Variants in NPRL3 observed in about 807,000 individuals in gnomAD.
NPRL3 encodes the protein NPR3 like, GATOR1 complex subunit.
A neutral mutation model predicts 57.2 loss-of-function variants in NPRL3; 23 were observed. The ratio of observed to expected loss-of-function variants is 0.40; its 90% CI spans 0.29 to 0.57. NPRL3 has a LOEUF of 0.57. Ranked by LOEUF, NPRL3 falls within the 20% of genes least tolerant of loss-of-function variation. The probability of loss-of-function intolerance (pLI) is 0.42; values close to 1 mark genes in which losing one functional copy is unlikely to be tolerated. For synonymous variants in NPRL3, 333 were observed against 321.1 expected (o/e 1.04, Z -0.39); for missense variants, 691 against 767.1 (o/e 0.90, Z 1.17).
chr16:132,668 C>CTTTTTTT (rs869062857), intron 2 of NPRL3, among the ~76,000 whole-genome samples: 1 of 120,288 alleles, frequency 8.3e-6, no homozygotes. Context: ...AATTGTATTT[C>CTTTTTTT]TTTTTTTTTT....
chr16:100,994 A>AAAAAAAAAG (rs1899276041), intron 7 of NPRL3, among the ~76,000 whole-genome samples: 4 of 145,800 alleles, frequency 2.7e-5, no homozygotes, highest in African/African-American at 7.6e-5. Flanking sequence ...AAAAAAAGGA[A>AAAAAAAAAG]GAAGAAGAAG....
chr16:114,108 C>T (rs887390032), intron 5 of NPRL3, among the ~76,000 whole-genome samples: 11 of 152,160 alleles, frequency 7.2e-5, no homozygotes, highest in South Asian at 4.1e-4. Flanking sequence ...AATACTTCCA[C>T]GAGCAAAGCA....
intron 9 of NPRL3, among the ~76,000 whole-genome samples, chr16:93,954 C>G (rs553857532): frequency 1.4e-4 from 21 of 152,194 alleles, no homozygotes; most frequent in Admixed American, 1.1e-3. Flanking sequence ...ATGGTGGTCT[C>G]AGGCCACAAG....
At position 134,985 on chromosome 16, in the gene NPRL3, G is replaced by C. The variant is rs1028542482; in HGVS notation, c.118+3165C>G. On this transcript the variant is annotated intron_variant, in intron 2 of 13. Transcript: ENST00000611875. ...CAAAGTGCTGGGATTACAGGCGTGA[G>C]CCACCGCGCCCGGCCAAGTCACAGT... is the stretch of plus-strand genomic sequence containing the variant. Among the ~76,000 whole-genome samples, 9 of 152,218 alleles carry C rather than the reference G, an allele frequency of 5.9e-5. No homozygotes were observed. In the East Asian group the frequency reaches 1.7e-3, roughly 29 times the overall value.
At chr16:118,906 C>G (rs1474160720) in intron 4 of NPRL3, among the ~76,000 whole-genome samples, 1 of 151,360 alleles carries the variant, frequency 6.6e-6, no homozygotes, top group Non-Finnish European at 1.5e-5. Context: ...GGGAGCCACA[C>G]CTTCCCAGAG....
intron 9 of NPRL3, among the ~76,000 whole-genome samples, chr16:95,344 T>TACACACACACACAC (rs1188043170): frequency 3.4e-5 from 2 of 59,328 alleles, no homozygotes; most frequent in Admixed American, 2.5e-4. Context: ...TATATATATA[T>TACACACACACACAC]ATATATACAC....
At chr16:133,632 G>A (rs192533812) in intron 2 of NPRL3, among the ~76,000 whole-genome samples, 2 of 152,334 alleles carry the variant, frequency 1.3e-5, no homozygotes, top group East Asian at 3.9e-4. Context: ...ACAGTTCCCA[G>A]GTAGCTGGGA....
rs145631287 is a variant in NPRL3 at position 113,271 on chromosome 16, G to A, written c.394-496C>T. Among the ~76,000 whole-genome samples the A allele has an allele frequency of 5.1e-4, 78 of 152,324 alleles. 1 individual carries two copies. Among genetic ancestry groups the A allele is most frequent in the Middle Eastern group, 3.4e-3 (1 of 294 alleles). ...TAAGAATTCAGTCACGACAGGCCAC[G>A]TTACTACAGGGATGCACGGTACAAA... On this transcript the variant is annotated intron_variant, in intron 5 of 13. Transcript: ENST00000611875.
At chr16:133,673 C>T (rs1310327641) in intron 2 of NPRL3, among the ~76,000 whole-genome samples, 1 of 152,232 alleles carries the variant, frequency 6.6e-6, no homozygotes, top group Non-Finnish European at 1.5e-5. Flanking sequence ...TGGAGTAACA[C>T]TTCCCATTTC....
At chr16:127,907 G>A (rs532777512) in intron 3 of NPRL3, among the ~76,000 whole-genome samples, 18 of 151,968 alleles carry the variant, frequency 1.2e-4, no homozygotes, top group South Asian at 4.2e-4. Flanking sequence ...CGCCCGCCTT[G>A]GCCTCCCAAA....
chr16:102,375 G>C (rs1396148301), intron 7 of NPRL3, among the ~76,000 whole-genome samples: 2 of 152,168 alleles, frequency 1.3e-5, no homozygotes, highest in Non-Finnish European at 2.9e-5. Flanking sequence ...CAACAGGGGG[G>C]ATCTCCACCT....
chr16:112,740 A>C lies in NPRL3; in HGVS notation c.429T>G (p.His143Gln). ...NADPSVINCL[H>Q]NLSRRIATVL... ...CGGTGGCGATACGACGGGACAGGTTATGCAGACAGTTTATCACTGACGGGT... is the reference window on the plus strand; with the variant it reads ...CGGTGGCGATACGACGGGACAGGTTCTGCAGACAGTTTATCACTGACGGGT... Residue 143 changes from histidine to glutamine, a missense_variant, in exon 6 of 14, where the codon CAT becomes CAG. Coordinates refer to ENST00000611875, the MANE Select transcript of NPRL3 (RefSeq NM_001077350.3). The C allele has an allele frequency of 1.2e-6, 2 of 1,611,632 alleles. No individual in the cohort carries two copies. The highest frequency in any genetic ancestry group is 1.7e-6 in the Non-Finnish European group (2 of 1,178,306).
chr16:134,892 G>A (rs947406315), intron 2 of NPRL3, among the ~76,000 whole-genome samples: 1 of 150,900 alleles, frequency 6.6e-6, no homozygotes, highest in African/African-American at 2.4e-5. Context: ...TAGTAGAGAC[G>A]GGGTTTCACC....
At chr16:113,131 T>C (rs533126929) in intron 5 of NPRL3, among the ~76,000 whole-genome samples, 1 of 152,206 alleles carries the variant, frequency 6.6e-6, no homozygotes, top group South Asian at 2.1e-4. Context: ...TGGAAGAAAT[T>C]AGCGAGCCAT....
chr16:89,937 C>A, intron 11 of NPRL3, 35 bp from the exon 12 acceptor site: 1 of 1,525,462 alleles, frequency 6.6e-7, no homozygotes. Flanking sequence ...GGTCCCCCTC[C>A]CCACTCCAAC....
At chr16:100,123 G>A (rs1023903887) in intron 8 of NPRL3, among the ~76,000 whole-genome samples, 5 of 152,016 alleles carry the variant, frequency 3.3e-5, no homozygotes, top group Non-Finnish European at 7.4e-5. Context: ...CCACATCCAG[G>A]CTGCCCTGCC....
rs1898829565 is a variant in NPRL3 at position 93,022 on chromosome 16, CCACAGAG to C, written c.1031+190_1031+196del. 3 of 618,802 alleles carry C rather than the reference CCACAGAG, an allele frequency of 4.8e-6. No homozygotes were observed. In the South Asian group the frequency reaches 5.8e-5, roughly 12 times the overall value. The allele number at this position is 618,802 out of a possible 1,614,324, so 38.3% of individuals were successfully genotyped here. A position where few individuals can be genotyped will look rare whatever the true frequency, so the allele number is the denominator to read the frequency against. Reference sequence around the variant, plus strand: ...CAGGCATATGGGGGACACAGGAGAGCCACAGAGCACAGAGCCAGACCAGAATTGGGAC... The same window carrying C: ...CAGGCATATGGGGGACACAGGAGAGCCACAGAGCCAGACCAGAATTGGGAC... On this transcript the variant is annotated intron_variant, in intron 10 of 13. Transcript: ENST00000611875.
chr16:134,326 C>T (rs1206295352), intron 2 of NPRL3, among the ~76,000 whole-genome samples: 5 of 151,942 alleles, frequency 3.3e-5, no homozygotes, highest in Non-Finnish European at 7.4e-5. Context: ...ACACCAAGAG[C>T]CTTCATATAC....
chr16:102,108 C>G lies in NPRL3; in HGVS notation c.630-1599G>C, dbSNP rs546798475. ...TTCCTAGGAAGCCCTGCCCCAAGAA[C>G]AGGCTCCACAGTGGGGATGCAGCCC... On this transcript the variant is annotated intron_variant, in intron 7 of 13. Transcript: ENST00000611875. 1.3e-3 allele frequency among the ~76,000 whole-genome samples: 192 copies of G among 152,298 alleles called. 2 individuals are homozygous for G. The Middle Eastern group carries it at 0.027, about 22-fold the overall frequency.
Sources: gnomAD v4.1 joint callset for allele counts (sites outside exome capture counted in the v4.1 genomes callset) on GRCh38, gnomAD v4.1.1 for gene constraint, MANE v1.5 for transcripts, NCBI Gene and HGNC (gene_info 2026-07-23, HGNC 2026-07-21) for gene names.